The following TET2 variants were observed in gnomAD, a reference collection of about 807,000 sequenced individuals.
TET2 encodes methylcytosine dioxygenase TET2.
TET2 carries 299 observed loss-of-function variants against 142.9 expected under a neutral mutation model. The observed-to-expected ratio is 2.09, with a 90% CI of 1.90 to 2.30. The LOEUF is 2.30. Among genes scored for constraint, TET2 ranks in the 30% most tolerant of loss-of-function variants. The pLI is 0.00. For synonymous variants in TET2, 819 were observed against 849.0 expected, an observed-to-expected ratio of 0.96 and a Z score of 0.61; for missense variants, 2,418 against 2,378.0, an observed-to-expected ratio of 1.02 and a Z score of -0.35.
At position 105,276,148 on chromosome 4, in the gene TET2, C is replaced by T. The variant is rs943100561; in HGVS notation, c.5638C>T (p.Leu1880=). 79 of 1,551,632 alleles carry T rather than the reference C, an allele frequency of 5.1e-5. No individual in the cohort carries two copies. Among genetic ancestry groups the T allele is most frequent in the Non-Finnish European group, 6.6e-5 (76 of 1,146,992 alleles). ...SILIECAKRE[L]HATTPLKNPN... ...TCTCATTGAGTGTGCAAAGCGTGAG[C>T]TGCATGCCACAACCCCTTTAAAGAA... Residue 1880 remains leucine, a synonymous_variant, in exon 11 of 11, where the codon CTG becomes TTG. Coordinates refer to ENST00000380013, the MANE Select transcript of TET2 (RefSeq NM_001127208.3).
At chr4:105,216,514 G>A (rs910158367) in intron 2 of TET2, among the ~76,000 whole-genome samples, 4 of 152,030 alleles carry the variant, frequency 2.6e-5, no homozygotes, top group Admixed American at 2.6e-4. Context: ...AGATGGATAC[G>A]ATAGAGGGGA....
Position 105,275,366 on chromosome 4 carries a change from C to T in TET2, c.4856C>T (p.Pro1619Leu), listed in dbSNP as rs1198419210. 11 of 1,551,534 alleles carry T rather than the reference C, an allele frequency of 7.1e-6. No individual in the cohort carries two copies. The highest frequency in any genetic ancestry group is 2.0e-5 in the Admixed American group (1 of 50,970). Residue 1619 changes from proline (P) to leucine (L), a missense_variant, in exon 11 of 11, where the codon CCT becomes CTT. By Grantham distance (98) the Pro-to-Leu change is moderately conservative. Transcript: ENST00000380013. ...LNSSNPMNPY[P>L]GLLNQNTQYP... ...TCTTCTAATCCCATGAACCCTTACC[C>T]TGGGCTTTTGAATCAGAATACCCAA...
Position 105,243,712 on chromosome 4 carries a change from C to T in TET2, c.3737C>T (p.Ser1246Leu), listed in dbSNP as rs1197479219. 1.2e-5 allele frequency: 19 copies of T among 1,551,412 alleles called. No individual in the cohort carries two copies. Among genetic ancestry groups the T allele is most frequent in the Admixed American group, 3.9e-5 (2 of 50,974 alleles). The change falls in exon 6 of 11, where the codon TCG becomes TTG. Residue 1246 changes from serine to leucine, a missense_variant. Ser to Leu is a moderately radical substitution (Grantham distance 145). Transcript: ENST00000380013. ...CTGTCTCTGGCTGACAAACTCTACT[C>T]GGAGCTTACCGAGACGCTGAGGAAA... ...IPLSLADKLY[S>L]ELTETLRKYG... is the part of the protein sequence containing the mutation.
chr4:105,275,962 A>G lies in TET2; in HGVS notation c.5452A>G (p.Lys1818Glu). The G allele has an allele frequency of 6.4e-7, 1 of 1,551,832 alleles. No homozygotes were observed. The highest frequency in any genetic ancestry group is 2.4e-5 in the East Asian group (1 of 40,916). Residue 1818 changes from lysine to glutamate, a missense_variant, in exon 11 of 11, where the codon AAA (lysine) becomes GAA (glutamate). Lys to Glu is a moderately conservative substitution (Grantham distance 56). Coordinates refer to ENST00000380013, the MANE Select transcript of TET2 (RefSeq NM_001127208.3). ...TGCTTGTGTCCAAGGAGGCTTACACAAATTAAGTGATGCTAATGGTCAGGA... is the reference window on the plus strand; with the variant it reads ...TGCTTGTGTCCAAGGAGGCTTACACGAATTAAGTGATGCTAATGGTCAGGA... ...RTACVQGGLH[K>E]LSDANGQEKQ...
intron 6 of TET2, 73 bp from the exon 7 acceptor site, chr4:105,259,546 A>T (rs963706943): frequency 7.1e-7 from 1 of 1,403,232 alleles, no homozygotes; most frequent in African/African-American, 1.4e-5. Context: ...TTGCATATAG[A>T]CACCTATAAT....
chr4:105,159,814 G>A (rs1416632608), intron 1 of TET2, among the ~76,000 whole-genome samples: 1 of 152,066 alleles, frequency 6.6e-6, no homozygotes, highest in Non-Finnish European at 1.5e-5. Flanking sequence ...GATCATCCTG[G>A]CCAACACGGT....
rs1731142193 is a variant in TET2, at chr4:105,275,159, A to G, written c.4649A>G (p.His1550Arg). ...QQQRPQQQQP[H>R]HPQTESVNSY... is the part of the protein sequence containing the mutation. Reference sequence around the variant, plus strand: ...CAGAGACCCCAGCAGCAGCAGCCACATCACCCTCAGACAGAGTCTGTCAAC... The same window carrying G: ...CAGAGACCCCAGCAGCAGCAGCCACGTCACCCTCAGACAGAGTCTGTCAAC... The change falls in exon 11 of 11, where the codon CAT becomes CGT. Residue 1550 changes from histidine to arginine, a missense_variant. Physicochemically the swap from His to Arg is conservative, Grantham distance 29. Transcript: ENST00000380013. The G allele has an allele frequency of 6.4e-7, 1 of 1,552,040 alleles. No individual in the cohort carries two copies. The highest frequency in any genetic ancestry group is 2.0e-5 in the Admixed American group (1 of 50,986).
At chr4:105,265,095 T>C (rs1354027585) in intron 8 of TET2, among the ~76,000 whole-genome samples, 3 of 152,196 alleles carry the variant, frequency 2.0e-5, no homozygotes, top group Non-Finnish European at 2.9e-5. Flanking sequence ...AGACCTGAAA[T>C]AGCAGGTGTC....
intron 1 of TET2, among the ~76,000 whole-genome samples, chr4:105,157,868 C>T (rs561643690): frequency 1.1e-4 from 16 of 151,982 alleles, no homozygotes; most frequent in African/African-American, 3.9e-4. Context: ...GTAGAAACAG[C>T]GTTTCGCCAT....
At chr4:105,218,845 A>T (rs944096121) in intron 2 of TET2, among the ~76,000 whole-genome samples, 4 of 151,870 alleles carry the variant, frequency 2.6e-5, no homozygotes, top group Non-Finnish European at 5.9e-5. Flanking sequence ...GTAATGAAAA[A>T]ATATATATAA....
intron 1 of TET2, among the ~76,000 whole-genome samples, chr4:105,166,653 C>A (rs1032728337): frequency 1.3e-5 from 2 of 151,406 alleles, no homozygotes; most frequent in East Asian, 3.9e-4. Context: ...AAATATTGTG[C>A]TGAGTCTTTA....
At chr4:105,203,506 A>G (rs1461780518) in intron 2 of TET2, among the ~76,000 whole-genome samples, 1 of 151,952 alleles carries the variant, frequency 6.6e-6, no homozygotes, top group East Asian at 1.9e-4. Flanking sequence ...AATACATTAC[A>G]TTACACAGAA....
At chr4:105,161,922 G>A (rs1425081464) in intron 1 of TET2, among the ~76,000 whole-genome samples, 1 of 151,820 alleles carries the variant, frequency 6.6e-6, no homozygotes, top group East Asian at 1.9e-4. Context: ...ACTACTAAGT[G>A]TGTGTATGTG....
chr4:105,247,709 C>A (rs796904311), intron 6 of TET2, among the ~76,000 whole-genome samples: 11 of 115,326 alleles, frequency 9.5e-5, no homozygotes, highest in South Asian at 2.7e-4. Flanking sequence ...GGTTCTTTTT[C>A]TTTTCTTTTT....
intron 1 of TET2, among the ~76,000 whole-genome samples, chr4:105,186,874 T>TC (rs1725487640): frequency 6.6e-6 from 1 of 152,232 alleles, no homozygotes; most frequent in South Asian, 2.1e-4. Context: ...TTGGAGACTT[T>TC]GCAAAGCTGA....
rs1209346776 is a variant in TET2 at position 105,163,928 on chromosome 4, A to G, written c.-193+16949A>G. ...GGTATAATTGACAAGTAAACAGTCC[A>G]CAAAACTGTACACATTTAAGAGATA... On this transcript the variant is annotated intron_variant, in intron 1 of 10. Coordinates refer to ENST00000380013, the MANE Select transcript of TET2 (RefSeq NM_001127208.3). Among the ~76,000 whole-genome samples the G allele has an allele frequency of 5.3e-5, 8 of 151,988 alleles. No individual in the cohort carries two copies. In the East Asian group the frequency reaches 1.5e-3, roughly 29 times the overall value.
intron 1 of TET2, among the ~76,000 whole-genome samples, chr4:105,149,188 A>C (rs1269592012): frequency 6.6e-6 from 1 of 152,180 alleles, no homozygotes; most frequent in East Asian, 1.9e-4. Context: ...CTTTTTGGGG[A>C]CAACTTTTCA....
intron 9 of TET2, among the ~76,000 whole-genome samples, chr4:105,270,629 C>A (rs1442586950): frequency 6.6e-6 from 1 of 151,336 alleles, no homozygotes; most frequent in Non-Finnish European, 1.5e-5. Context: ...TAAAATGGAT[C>A]GGTCTTGTAA....
chr4:105,256,596 G>GAGTT (rs1730145448), intron 6 of TET2, among the ~76,000 whole-genome samples: 1 of 152,140 alleles, frequency 6.6e-6, no homozygotes, highest in Admixed American at 6.5e-5. Context: ...ATGTTACATG[G>GAGTT]AGTTAGTTGA....
Sources: gnomAD v4.1 joint callset for allele counts (sites outside exome capture counted in the v4.1 genomes callset) on GRCh38, gnomAD v4.1.1 for gene constraint, MANE v1.5 for transcripts, NCBI Gene and HGNC (gene_info 2026-07-23, HGNC 2026-07-21) for gene names.